Variants in SPRY3 observed in about 807,000 individuals in gnomAD.
The protein encoded by SPRY3 is protein sprouty homolog 3.
Under a neutral mutation model 20.2 loss-of-function variants are expected in SPRY3, and 15 were observed. The observed-to-expected ratio is 0.74, with a 90% CI of 0.50 to 1.14. The LOEUF is 1.14. SPRY3 is among the 50% of genes most tolerant of loss of function. SPRY3 has a pLI of 0.00. For missense variants in SPRY3, 364 were observed against 363.9 expected (o/e 1.00, Z 0.00); for synonymous variants, 143 against 136.5 (o/e 1.05, Z -0.33).
rs757952400 is a variant in SPRY3 at position 155,756,779 on chromosome X, C to T, written c.-281-11183C>T. Among the ~76,000 whole-genome samples the T allele has an allele frequency of 1.3e-4, 20 of 152,074 alleles. No individual in the cohort carries two copies. The East Asian group carries it at 3.7e-3, about 28-fold the overall frequency. ...TACAAGACACAGAGACTTACAGGTA[C>T]ATTTAGATACATACACACACAAATA... On this transcript the variant is annotated intron_variant, in intron 2 of 3. Transcript: ENST00000675360.
At chrX:155,777,697 AC>A (rs2091438060), downstream of SPRY3, 1 of 109,962 alleles carries the variant, frequency 9.1e-6, no homozygotes, top group Non-Finnish European at 2.5e-5. Flanking sequence ...TAAAATATAT[AC>A]GAAAGAACTC....
At chrX:155,626,105 T>C (rs868924408) in intron 1 of SPRY3, among the ~76,000 whole-genome samples, 1 of 111,455 alleles carries the variant, frequency 9.0e-6, no homozygotes, top group Admixed American at 9.6e-5. Context: ...GTTTAACCAA[T>C]TGAGGAACTG....
At chrX:155,696,211 C>A (rs867250764) in intron 2 of SPRY3, among the ~76,000 whole-genome samples, 2 of 96,746 alleles carry the variant, frequency 2.1e-5, no homozygotes, top group South Asian at 9.1e-4. Flanking sequence ...CATACACACA[C>A]AACACACACA....
chrX:155,774,731 CT>C lies in SPRY3; in HGVS notation c.861del (p.Val288TyrfsTer31). ...CCCTTCCCCAAGGCCCAGGAAAAGT[CT>C]GTATGACCTTCCAACAAGGTGGATC... On this transcript the variant is annotated frameshift_variant, in exon 4 of 4. Coordinates refer to ENST00000675360, the Ensembl canonical transcript of SPRY3. LOFTEE classifies it high-confidence loss of function. 2 of 1,609,332 alleles carry C rather than the reference CT, an allele frequency of 1.2e-6. No individual in the cohort carries two copies. Among genetic ancestry groups the C allele is most frequent in the South Asian group, 1.1e-5 (1 of 90,504 alleles).
At chrX:155,773,988 C>T (rs1197546257) in exon 4 of SPRY3, 3 of 1,613,992 alleles carry the variant, frequency 1.9e-6, no homozygotes, top group African/African-American at 1.3e-5. Context: ...AACAGGCCCT[C>T]TCCAGCCCTT....
chrX:155,782,401 A>G (rs1482690691), exon 2 of SPRY3: 1 of 166,954 alleles, frequency 6.0e-6, no homozygotes, highest in Non-Finnish European at 1.5e-5. Context: ...CTACCCCCCT[A>G]GGAGTCATAC....
intron 2 of SPRY3, among the ~76,000 whole-genome samples, chrX:155,734,560 C>G (rs1262335116): frequency 2.0e-5 from 3 of 151,164 alleles, no homozygotes; most frequent in Non-Finnish European, 4.4e-5. Flanking sequence ...TAAGAATTAC[C>G]CAAATGTGAC....
exon 4 of SPRY3, chrX:155,776,473 G>C (rs2091426958): frequency 6.0e-6 from 1 of 167,084 alleles, no homozygotes; most frequent in Admixed American, 6.5e-5. Flanking sequence ...CAGAGAGCCT[G>C]TGCTGTGAAC....
chrX:155,731,067 T>C (rs2091129336), intron 2 of SPRY3, among the ~76,000 whole-genome samples: 1 of 152,108 alleles, frequency 6.6e-6, no homozygotes, highest in Non-Finnish European at 1.5e-5. Context: ...ATCAATATTG[T>C]AAAAATGTCC....
intron 2 of SPRY3, among the ~76,000 whole-genome samples, chrX:155,705,272 T>C: frequency 6.6e-6 from 1 of 151,530 alleles, no homozygotes; most frequent in East Asian, 1.9e-4. Flanking sequence ...GTAAAAGCCT[T>C]ACACTTCATG....
chrX:155,773,307 G>GTTATATATATATATATAT, intron 3 of SPRY3, among the ~76,000 whole-genome samples: 1 of 120,722 alleles, frequency 8.3e-6, no homozygotes, highest in South Asian at 2.8e-4. Context: ...ATTTTGATTG[G>GTTATATATATATATATAT]ATATATATAT....
At chrX:155,620,236 T>G (rs1226834721) in intron 1 of SPRY3, among the ~76,000 whole-genome samples, 1 of 111,315 alleles carries the variant, frequency 9.0e-6, no homozygotes, top group Non-Finnish European at 1.9e-5. Context: ...ACACACTTTA[T>G]AAGATTCTTA....
intron 1 of SPRY3, among the ~76,000 whole-genome samples, chrX:155,626,786 G>GT (rs1421264269): frequency 1.8e-5 from 2 of 111,178 alleles, no homozygotes; most frequent in African/African-American, 6.5e-5. Context: ...TCAGTGTCCT[G>GT]TTTTTTTAGC....
At chrX:155,750,227 T>C (rs965916432) in intron 2 of SPRY3, among the ~76,000 whole-genome samples, 5 of 151,666 alleles carry the variant, frequency 3.3e-5, no homozygotes, top group African/African-American at 9.7e-5. Flanking sequence ...GAGCTAAACA[T>C]TGGGTACACA....
intron 2 of SPRY3, among the ~76,000 whole-genome samples, chrX:155,677,535 G>A (rs1249525451): frequency 1.8e-5 from 2 of 111,671 alleles, no homozygotes; most frequent in African/African-American, 6.5e-5. Flanking sequence ...GTTTTACAGG[G>A]AGAGACTTTC....
At chrX:155,735,102 G>A in intron 2 of SPRY3, among the ~76,000 whole-genome samples, 1 of 151,534 alleles carries the variant, frequency 6.6e-6, no homozygotes, top group South Asian at 2.1e-4. Flanking sequence ...TTTTATTTTT[G>A]AACAATGTGT....
intron 2 of SPRY3, among the ~76,000 whole-genome samples, chrX:155,663,085 T>C (rs781914558): frequency 3.3e-4 from 37 of 112,477 alleles, no homozygotes; most frequent in Non-Finnish European, 5.1e-4. Context: ...CAGAGAAATG[T>C]GCAAAGATTG....
chrX:155,629,302 C>T (rs2067898509), intron 1 of SPRY3, among the ~76,000 whole-genome samples: 1 of 109,781 alleles, frequency 9.1e-6, no homozygotes, highest in Non-Finnish European at 1.9e-5. Flanking sequence ...TGATGGTTTA[C>T]AGCTCCATCC....
intron 2 of SPRY3, among the ~76,000 whole-genome samples, chrX:155,664,297 G>T (rs1209958625): frequency 9.1e-6 from 1 of 110,324 alleles, no homozygotes; most frequent in Non-Finnish European, 1.9e-5. Context: ...TACATTAAAT[G>T]AAAGTTTAAT....
Sources: gnomAD v4.1 joint callset for allele counts (sites outside exome capture counted in the v4.1 genomes callset) on GRCh38, gnomAD v4.1.1 for gene constraint, MANE v1.5 for transcripts, NCBI Gene and HGNC (gene_info 2026-07-23, HGNC 2026-07-21) for gene names.